The following TBC1D5 variants were observed in gnomAD, a reference collection of about 807,000 sequenced individuals.
The protein encoded by TBC1D5 is TBC1 domain family, member 5.
Under a neutral mutation model 100.3 loss-of-function variants are expected in TBC1D5, and 75 were observed. That is an observed-to-expected ratio of 0.75 (90% CI 0.62 to 0.91). The LOEUF is 0.91. TBC1D5 is among the 40% of genes least tolerant of loss of function. TBC1D5 has a pLI of 0.00. For missense variants in TBC1D5, 910 were observed against 942.4 expected (o/e 0.97, Z 0.45); for synonymous variants, 323 against 325.6 (o/e 0.99, Z 0.09).
At chr3:17,295,122 T>G (rs936831113) in intron 14 of TBC1D5, among the ~76,000 whole-genome samples, 1 of 152,196 alleles carries the variant, frequency 6.6e-6, no homozygotes, top group Non-Finnish European at 1.5e-5. Context: ...TGTTTATGCT[T>G]TAAAAACAAA....
chr3:17,588,463 T>C (rs1240947697), intron 2 of TBC1D5, among the ~76,000 whole-genome samples: 1 of 152,160 alleles, frequency 6.6e-6, no homozygotes, highest in Non-Finnish European at 1.5e-5. Flanking sequence ...GAAATAGATA[T>C]ACACATGCAC....
chr3:17,466,195 G>A (rs547282787), intron 3 of TBC1D5, among the ~76,000 whole-genome samples: 1 of 152,168 alleles, frequency 6.6e-6, no homozygotes, highest in Non-Finnish European at 1.5e-5. Context: ...ACACATCCCA[G>A]TAAGAATATA....
chr3:17,420,866 T>C (rs1056735144), intron 4 of TBC1D5, among the ~76,000 whole-genome samples: 60 of 152,236 alleles, frequency 3.9e-4, no homozygotes, highest in African/African-American at 1.4e-3. Flanking sequence ...TTTTCAAAGA[T>C]AAACATTTAC....
chr3:17,461,640 G>A (rs1341835115), intron 3 of TBC1D5, among the ~76,000 whole-genome samples: 2 of 151,188 alleles, frequency 1.3e-5, no homozygotes, highest in Non-Finnish European at 2.9e-5. Context: ...TTCTGTGTGT[G>A]TATGTGTGTG....
At chr3:17,478,842 C>T (rs1217753445) in intron 3 of TBC1D5, among the ~76,000 whole-genome samples, 1 of 152,112 alleles carries the variant, frequency 6.6e-6, no homozygotes, top group Non-Finnish European at 1.5e-5. Flanking sequence ...TACTGAATCT[C>T]CAGACACAAG....
chr3:17,473,458 A>G (rs1246952663), intron 3 of TBC1D5, among the ~76,000 whole-genome samples: 1 of 152,248 alleles, frequency 6.6e-6, no homozygotes, highest in East Asian at 1.9e-4. Flanking sequence ...CAAATGTTGC[A>G]ACATTCATCC....
At position 17,179,991 on chromosome 3, in the gene TBC1D5, C is replaced by T. The variant is rs116251661; in HGVS notation, c.1852+5118G>A. Among the ~76,000 whole-genome samples, 401 of 152,282 alleles carry T rather than the reference C, an allele frequency of 2.6e-3. 2 individuals are homozygous for T. Among genetic ancestry groups the T allele is most frequent in the African/African-American group, 8.2e-3 (339 of 41,552 alleles). On this transcript the variant is annotated intron_variant, in intron 19 of 21. Coordinates refer to ENST00000253692, the Ensembl canonical transcript of TBC1D5. ...CAGACTAGCGTAGGTTGCTCACCCA[C>T]GTGCAATTATGTGTGAAGTACGGCA...
chr3:17,400,293 T>C (rs1183367418), intron 8 of TBC1D5, among the ~76,000 whole-genome samples: 4 of 152,166 alleles, frequency 2.6e-5, no homozygotes, highest in Non-Finnish European at 5.9e-5. Flanking sequence ...ACTTCTTTTA[T>C]ATTATTAGGA....
intron 21 of TBC1D5, among the ~76,000 whole-genome samples, chr3:17,161,724 A>G (rs2066077509): frequency 6.6e-6 from 1 of 152,248 alleles, no homozygotes; most frequent in African/African-American, 2.4e-5. Flanking sequence ...TAGTGAGATG[A>G]TATGTGCAGC....
chr3:17,521,696 T>A (rs2096065343), intron 2 of TBC1D5, among the ~76,000 whole-genome samples: 1 of 152,174 alleles, frequency 6.6e-6, no homozygotes, highest in Non-Finnish European at 1.5e-5. Context: ...CTTTGTTAAT[T>A]TGTTGAGACT....
intron 1 of TBC1D5, among the ~76,000 whole-genome samples, chr3:17,630,137 G>A (rs965651433): frequency 4.6e-5 from 7 of 152,134 alleles, no homozygotes; most frequent in African/African-American, 1.7e-4. Context: ...AGAGGAGGAA[G>A]TTCTCAACCA....
intron 13 of TBC1D5, among the ~76,000 whole-genome samples, chr3:17,371,599 C>T (rs1432781429): frequency 6.6e-6 from 1 of 152,080 alleles, no homozygotes; most frequent in Non-Finnish European, 1.5e-5. Flanking sequence ...AGATGAGATA[C>T]CATACACAGG....
chr3:17,203,991 T>C (rs889107161), intron 18 of TBC1D5, among the ~76,000 whole-genome samples: 12 of 152,334 alleles, frequency 7.9e-5, no homozygotes, highest in African/African-American at 2.9e-4. Flanking sequence ...GAAGGCCACC[T>C]GCCTGATACA....
intron 1 of TBC1D5, among the ~76,000 whole-genome samples, chr3:17,688,051 G>T (rs1364893301): frequency 6.6e-6 from 1 of 152,146 alleles, no homozygotes; most frequent in East Asian, 1.9e-4. Flanking sequence ...TTTAACAATA[G>T]AAGAATGGTT....
intron 17 of TBC1D5, among the ~76,000 whole-genome samples, chr3:17,235,664 G>C (rs541608736): frequency 7.9e-4 from 121 of 152,318 alleles, no homozygotes; most frequent in African/African-American, 2.8e-3. Context: ...AGAGGTGGGA[G>C]ACTCTCCAGG....
exon 18 of TBC1D5, chr3:17,214,343 G>C (rs964464375): frequency 6.2e-7 from 1 of 1,612,948 alleles, no homozygotes; most frequent in Non-Finnish European, 8.5e-7. Context: ...AACGCTTGGA[G>C]ATGAACTGAT....
intron 18 of TBC1D5, among the ~76,000 whole-genome samples, chr3:17,185,522 T>G (rs1174925588): frequency 6.6e-6 from 1 of 152,216 alleles, no homozygotes; most frequent in Non-Finnish European, 1.5e-5. Context: ...ATTTAAAAAG[T>G]GCACAATATA....
At chr3:17,657,392 G>C (rs1359372314) in intron 1 of TBC1D5, among the ~76,000 whole-genome samples, 1 of 146,668 alleles carries the variant, frequency 6.8e-6, no homozygotes, top group Non-Finnish European at 1.5e-5. Flanking sequence ...CTGGAGTGCA[G>C]TGGCGCAATC....
intron 9 of TBC1D5, among the ~76,000 whole-genome samples, chr3:17,379,377 C>A (rs978573538): frequency 7.2e-5 from 11 of 152,006 alleles, no homozygotes; most frequent in African/African-American, 2.7e-4. Context: ...TATTTTATAA[C>A]AAGTTATGGC....
Sources: allele counts gnomAD v4.1 joint callset (sites outside exome capture counted in the v4.1 genomes callset), GRCh38; gene constraint gnomAD v4.1.1; transcripts MANE v1.5; gene names NCBI Gene and HGNC (gene_info 2026-07-23, HGNC 2026-07-21).